PYHIN1: variants seen among roughly 807,000 people sequenced by gnomAD.
PYHIN1 encodes the protein pyrin and HIN domain family member 1.
In PYHIN1, 32 loss-of-function variants were observed where a neutral mutation model predicts 43.7. The ratio of observed to expected loss-of-function variants is 0.73; its 90% CI spans 0.55 to 0.98. The LOEUF (loss-of-function observed/expected upper bound fraction) is 0.98. Ranked by LOEUF, PYHIN1 falls within the 50% of genes least tolerant of loss-of-function variation. The pLI, the probability that PYHIN1 is intolerant of heterozygous loss-of-function variation, is 0.00. For synonymous variants in PYHIN1, 205 were observed against 203.1 expected (o/e 1.01, Z -0.08); for missense variants, 588 against 589.5 (o/e 1.00, Z 0.03).
At chr1:158,985,185 A>G in the PYHIN1 span, among the ~76,000 whole-genome samples, 52 of 152,218 alleles carry the variant, frequency 3.4e-4, no homozygotes, top group South Asian at 4.8e-3. Context: ...TAAGGATTTG[A>G]TCCTGTCATA....
downstream of PYHIN1, among the ~76,000 whole-genome samples, chr1:158,979,292 G>A (rs1232256338): frequency 6.6e-6 from 1 of 152,118 alleles, no homozygotes; most frequent in Admixed American, 6.6e-5. Context: ...CCATCGAATA[G>A]CAGCTTCCAT....
At chr1:158,931,950 C>T (rs1648190092) in intron 1 of PYHIN1, among the ~76,000 whole-genome samples, 174 bp downstream of exon 1, 1 of 152,146 alleles carries the variant, frequency 6.6e-6, no homozygotes. Context: ...CAATTCTTTA[C>T]TTACTTCAAA....
chr1:158,980,027 T>G (rs1651435552), downstream of PYHIN1, among the ~76,000 whole-genome samples: 1 of 152,196 alleles, frequency 6.6e-6, no homozygotes, highest in Non-Finnish European at 1.5e-5. Flanking sequence ...AGATAATGCC[T>G]TGCAGCTGCA....
At chr1:158,970,297 G>A (rs371092811) in intron 7 of PYHIN1, among the ~76,000 whole-genome samples, 2 of 151,938 alleles carry the variant, frequency 1.3e-5, no homozygotes, top group Non-Finnish European at 2.9e-5. Flanking sequence ...ATGTATATTT[G>A]TTAATGATTT....
intron 1 of PYHIN1, among the ~76,000 whole-genome samples, chr1:158,935,354 CA>C (rs1648467676): frequency 6.8e-6 from 1 of 146,288 alleles, no homozygotes; most frequent in Admixed American, 6.8e-5. Context: ...ATACAAGAAG[CA>C]AGGAATGTAT....
downstream of PYHIN1, among the ~76,000 whole-genome samples, chr1:158,978,544 A>G (rs377038577): frequency 1.9e-4 from 29 of 152,298 alleles, no homozygotes; most frequent in South Asian, 6.0e-3. Context: ...TGCAAATGAT[A>G]TTGGTATTCT....
the PYHIN1 span, among the ~76,000 whole-genome samples, chr1:158,987,066 C>T: frequency 0.42 from 63,697 of 152,060 alleles, 14,307 homozygotes; most frequent in East Asian, 0.56. Context: ...TCCTTACCAA[C>T]ACCTGTTATC....
chr1:158,934,198 C>T (rs950474975), intron 1 of PYHIN1, among the ~76,000 whole-genome samples: 1 of 152,106 alleles, frequency 6.6e-6, no homozygotes, highest in African/African-American at 2.4e-5. Flanking sequence ...AGTGTCATTA[C>T]TACAAAAGCA....
chr1:158,959,419 G>C (rs1192964286), intron 7 of PYHIN1, among the ~76,000 whole-genome samples: 2 of 150,874 alleles, frequency 1.3e-5, no homozygotes, highest in Non-Finnish European at 3.0e-5. Flanking sequence ...ATGCACCCGC[G>C]GTTGATCAAA....
intron 7 of PYHIN1, among the ~76,000 whole-genome samples, chr1:158,963,002 GCA>G (rs756662268): frequency 3.5e-4 from 53 of 152,048 alleles, no homozygotes; most frequent in Admixed American, 6.6e-4. Flanking sequence ...AGGCAGCAAA[GCA>G]CAGTCCCTCC....
chr1:158,959,306 G>A (rs1557838260), intron 7 of PYHIN1, among the ~76,000 whole-genome samples: 1 of 152,158 alleles, frequency 6.6e-6, no homozygotes. Flanking sequence ...CGACTAGCTG[G>A]CCCTGTGGGT....
At chr1:158,969,079 C>G (rs905042965) in intron 7 of PYHIN1, among the ~76,000 whole-genome samples, 11 of 151,954 alleles carry the variant, frequency 7.2e-5, no homozygotes, top group African/African-American at 9.7e-5. Flanking sequence ...TTTGGTCTTA[C>G]AGTCAACATT....
In PYHIN1 at chr1:158,976,867, ACTATATATATATATATATAT is replaced by A; in HGVS notation, c.*173_*192del. ...ATATGTATATATATCTGGTTGAAAT[ACTATATATATATATATATAT>A]ATATATATATATATATATATATATA... On this transcript the variant is annotated 3_prime_UTR_variant, in exon 9 of 9. Coordinates refer to ENST00000368140, the MANE Select transcript of PYHIN1 (RefSeq NM_152501.5). 8.1e-6 allele frequency: 1 copy of A among 124,136 alleles called. No individual in the cohort carries two copies. Among genetic ancestry groups the A allele is most frequent in the Non-Finnish European group, 1.3e-5 (1 of 78,674 alleles). 7.7% of individuals were successfully genotyped at this position (124,136 alleles called of 1,614,324 possible). A position where few individuals can be genotyped will look rare whatever the true frequency, so the allele number is the denominator to read the frequency against.
downstream of PYHIN1, among the ~76,000 whole-genome samples, chr1:158,978,672 G>T (rs190829737): frequency 4.3e-4 from 65 of 152,196 alleles, no homozygotes; most frequent in Middle Eastern, 6.8e-3. Flanking sequence ...TAGGTGCTTT[G>T]TCTAATGTGT....
chr1:158,973,376 C>T (rs906551881), intron 7 of PYHIN1, among the ~76,000 whole-genome samples: 2 of 151,896 alleles, frequency 1.3e-5, no homozygotes, highest in Non-Finnish European at 2.9e-5. Context: ...TAATCATTTC[C>T]AGCTCAGATC....
At chr1:158,968,143 C>G (rs1177636907) in intron 7 of PYHIN1, among the ~76,000 whole-genome samples, 2 of 151,678 alleles carry the variant, frequency 1.3e-5, no homozygotes, top group Non-Finnish European at 2.9e-5. Flanking sequence ...AAATTACCAA[C>G]AAAGTAATCA....
In PYHIN1 at chr1:158,937,104, T is replaced by G. The variant is rs754795668; in HGVS notation, c.194T>G (p.Leu65Arg). 1.1e-5 allele frequency: 17 copies of G among 1,613,280 alleles called. No individual in the cohort carries two copies. In the South Asian group the frequency reaches 1.9e-4, roughly 18 times the overall value. ...CCAGGTGATGCCGGTTTGGGCAAACTAATAGAATTCTTCAAAGAAATACCA... is the reference window on the plus strand; with the variant it reads ...CCAGGTGATGCCGGTTTGGGCAAACGAATAGAATTCTTCAAAGAAATACCA... ...KFPGDAGLGKLIEFFKEIPTL... is the reference protein window; with the variant it reads ...KFPGDAGLGKRIEFFKEIPTL... Residue 65 changes from leucine (L) to arginine (R), a missense_variant, in exon 2 of 9, where the codon CTA becomes CGA. Leu to Arg is a moderately radical substitution (Grantham distance 102, BLOSUM62 -2). Transcript: ENST00000368140.
intron 7 of PYHIN1, among the ~76,000 whole-genome samples, chr1:158,958,767 AAAAG>A (rs1366582121): frequency 1.5e-5 from 1 of 65,902 alleles, no homozygotes; most frequent in Non-Finnish European, 3.3e-5. Flanking sequence ...AAAAAAAAAG[AAAAG>A]AAAAAAAATA....
At position 158,938,490 on chromosome 1, in the gene PYHIN1, C is replaced by A; in HGVS notation, c.359C>A (p.Thr120Asn). Residue 120 changes from threonine (T) to asparagine (N), a missense_variant, in exon 3 of 9, where the codon ACC becomes AAC. Physicochemically the swap from Thr to Asn is moderately conservative, Grantham distance 65. Coordinates refer to ENST00000368140, the MANE Select transcript of PYHIN1 (RefSeq NM_152501.5). ...KEVYPATPAC[T>N]PSNRLTAKGA... Reference sequence around the variant, plus strand: ...GTGTATCCTGCTACACCTGCATGCACCCCAAGCAACCGTCTCACAGCTAAA... The same window carrying A: ...GTGTATCCTGCTACACCTGCATGCAACCCAAGCAACCGTCTCACAGCTAAA... The A allele has an allele frequency of 6.2e-7, 1 of 1,614,220 alleles. No homozygotes were observed. Among genetic ancestry groups the A allele is most frequent in the Non-Finnish European group, 8.5e-7 (1 of 1,180,028 alleles).
Sources: allele counts gnomAD v4.1 joint callset (sites outside exome capture counted in the v4.1 genomes callset), GRCh38; gene constraint gnomAD v4.1.1; transcripts MANE v1.5; gene names NCBI Gene and HGNC (gene_info 2026-07-23, HGNC 2026-07-21).